CNTNAP3B: variants seen among roughly 807,000 people sequenced by gnomAD.
CNTNAP3B encodes contactin-associated protein-like 3B.
Under a neutral mutation model 108.9 loss-of-function variants are expected in CNTNAP3B, and 25 were observed. That is an observed-to-expected ratio of 0.23 (90% confidence interval 0.17 to 0.32). CNTNAP3B has a LOEUF of 0.32. CNTNAP3B is among the 10% of genes least tolerant of loss of function. The pLI, the probability that CNTNAP3B is intolerant of heterozygous loss-of-function variation, is 1.00. For synonymous variants in CNTNAP3B, 103 were observed against 473.4 expected, an observed-to-expected ratio of 0.22 and a Z score of 10.16; for missense variants, 252 against 1,210.4, an observed-to-expected ratio of 0.21 and a Z score of 11.75.
At chr9:41,960,159 C>T (rs1265507863) in intron 12 of CNTNAP3B, 2 of 158,622 alleles carry the variant, frequency 1.3e-5, no homozygotes, top group African/African-American at 4.8e-5. Flanking sequence ...GCCACCATGC[C>T]CAGCTAATTT....
chr9:42,061,317 C>T (rs1033367043), intron 3 of CNTNAP3B, among the ~76,000 whole-genome samples: 4 of 93,070 alleles, frequency 4.3e-5, no homozygotes, highest in Admixed American at 3.7e-4. Flanking sequence ...TTTTCTTTTT[C>T]TTTTTTTTTT....
rs1824750678 is a variant in CNTNAP3B, at chr9:41,953,239, C to T, written c.2024G>A (p.Arg675His). ...QLRAAVNLAERCEQRLALRCG... is the reference protein window; with the variant it reads ...QLRAAVNLAEHCEQRLALRCG... ...GCGCAGAGCCAGCCGCTGCTCGCAG[C>T]GCTCCGCCAGGTTCACCGCGGCCCG... The change falls in exon 13 of 24, where the codon CGC becomes CAC. Residue 675 changes from arginine to histidine, a missense_variant. By Grantham distance (29) the Arg-to-His change is conservative (BLOSUM62 0). Coordinates refer to ENST00000377561, the MANE Select transcript of CNTNAP3B (RefSeq NM_001201380.3). The T allele has an allele frequency of 6.5e-6, 10 of 1,527,148 alleles. No individual in the cohort carries two copies. Among genetic ancestry groups the T allele is most frequent in the South Asian group, 1.2e-5 (1 of 83,330 alleles). The allele number at this position is 1,527,148 out of a possible 1,614,324, so 94.6% of individuals were successfully genotyped here. A position where few individuals can be genotyped will look rare whatever the true frequency, so the allele number is the denominator to read the frequency against.
At chr9:41,964,980 T>G (rs1190160040) in intron 10 of CNTNAP3B, among the ~76,000 whole-genome samples, 5 of 152,252 alleles carry the variant, frequency 3.3e-5, no homozygotes, top group Non-Finnish European at 7.3e-5. Flanking sequence ...GTTACTATAT[T>G]GTGGTCATTT....
chr9:42,097,009 C>T (rs1390878015), intron 2 of CNTNAP3B, among the ~76,000 whole-genome samples: 1 of 136,132 alleles, frequency 7.3e-6, no homozygotes. Flanking sequence ...GCCTCAGCCT[C>T]CCAAAGTGCT....
At chr9:42,063,212 G>C (rs62553639) in intron 3 of CNTNAP3B, among the ~76,000 whole-genome samples, 1,823 of 129,286 alleles carry the variant, frequency 0.014, 239 homozygotes, top group South Asian at 0.057. Context: ...AGCATTTCTT[G>C]TAAGACACTT....
rs547714534 is a variant in CNTNAP3B, at chr9:41,939,549, G to A, written c.2081-1149C>T. Among the ~76,000 whole-genome samples, 106 of 152,242 alleles carry A rather than the reference G, an allele frequency of 7.0e-4. No homozygotes were observed. In the East Asian group the frequency reaches 8.0e-3, roughly 12 times the overall value. On this transcript the variant is annotated intron_variant, in intron 13 of 23. Transcript: ENST00000377561. ...GGCAATCTGGGAAAATTTAAAGAGG[G>A]ATTAGTACCAGGAATCTTTTAAAAA...
chr9:41,945,612 G>C (rs998710921), intron 13 of CNTNAP3B, among the ~76,000 whole-genome samples: 2 of 152,304 alleles, frequency 1.3e-5, no homozygotes, highest in Non-Finnish European at 2.9e-5. Context: ...ACCGGGGCCT[G>C]TCATGGGGTG....
rs538278588 is a variant in CNTNAP3B, at chr9:41,962,250, C to A, written c.1757-1358G>T. On this transcript the variant is annotated intron_variant, in intron 11 of 23. Transcript: ENST00000377561. ...TATACAATTAGAAATACAAAATAAC[C>A]TATTCAACTAGGTGTGGCAGTCTAG... 1.1e-4 allele frequency among the ~76,000 whole-genome samples: 17 copies of A among 152,322 alleles called. No individual in the cohort carries two copies. In the South Asian group the frequency reaches 3.1e-3, roughly 28 times the overall value.
chr9:42,076,667 C>G (rs978826071), intron 3 of CNTNAP3B, among the ~76,000 whole-genome samples: 2 of 117,074 alleles, frequency 1.7e-5, no homozygotes, highest in Non-Finnish European at 3.5e-5. Context: ...ATTAAGCAAA[C>G]CAAGAAAAAA....
chr9:42,039,149 TG>T (rs1227031655), intron 3 of CNTNAP3B, among the ~76,000 whole-genome samples: 1 of 151,972 alleles, frequency 6.6e-6, no homozygotes, highest in East Asian at 1.9e-4. Context: ...GATCTAAAAT[TG>T]ACACCCTAAC....
intron 10 of CNTNAP3B, among the ~76,000 whole-genome samples, chr9:41,967,189 C>A (rs1218592524): frequency 2.0e-5 from 3 of 151,900 alleles, no homozygotes; most frequent in East Asian, 1.9e-4. Context: ...TGTGTCCCCA[C>A]CCAAATCTCA....
chr9:42,060,035 G>A (rs1392431553), intron 3 of CNTNAP3B, among the ~76,000 whole-genome samples: 17 of 150,470 alleles, frequency 1.1e-4, no homozygotes, highest in Non-Finnish European at 2.2e-4. Flanking sequence ...TTGTCTAATT[G>A]TTCTGGATAG....
intron 12 of CNTNAP3B, among the ~76,000 whole-genome samples, chr9:41,958,040 G>A (rs1375871894): frequency 1.3e-5 from 2 of 152,282 alleles, no homozygotes; most frequent in Non-Finnish European, 2.9e-5. Context: ...GGGATTACAG[G>A]CGTGAGCCAC....
chr9:41,968,045 A>T (rs1825333122), intron 10 of CNTNAP3B, among the ~76,000 whole-genome samples: 1 of 152,250 alleles, frequency 6.6e-6, no homozygotes, highest in East Asian at 1.9e-4. Context: ...GGTTAAAACA[A>T]AACAGCCTAT....
At chr9:41,924,401 A>T (rs1823751580) in intron 15 of CNTNAP3B, among the ~76,000 whole-genome samples, 1 of 152,310 alleles carries the variant, frequency 6.6e-6, no homozygotes, top group East Asian at 1.9e-4. Context: ...CCTCAAAGGT[A>T]CGACCAACAG....
chr9:42,076,212 C>T lies in CNTNAP3B; in HGVS notation c.390+657G>A, dbSNP rs1220439742. Among the ~76,000 whole-genome samples the T allele has an allele frequency of 5.6e-5, 4 of 71,914 alleles. No homozygotes were observed. The East Asian group carries it at 1.7e-3, about 31-fold the overall frequency. The allele number at this position is 71,914 out of a possible 152,430, so 47.2% of individuals were successfully genotyped here. ...GGTGGATGACCTGAGGTGAGGAGTTCGAGACCAGCCTGGCCAAAATGGCGA... is the reference window on the plus strand; with the variant it reads ...GGTGGATGACCTGAGGTGAGGAGTTTGAGACCAGCCTGGCCAAAATGGCGA... On this transcript the variant is annotated intron_variant, in intron 3 of 23. Coordinates refer to ENST00000377561, the MANE Select transcript of CNTNAP3B (RefSeq NM_001201380.3).
chr9:41,972,542 C>G (rs1825439514), intron 9 of CNTNAP3B, among the ~76,000 whole-genome samples: 1 of 138,626 alleles, frequency 7.2e-6, no homozygotes, highest in African/African-American at 2.9e-5. Flanking sequence ...AACTTTAATA[C>G]TTTCTGCTTT....
At chr9:41,950,817 G>T (rs1051667121) in intron 13 of CNTNAP3B, among the ~76,000 whole-genome samples, 1 of 136,636 alleles carries the variant, frequency 7.3e-6, no homozygotes, top group Admixed American at 8.2e-5. Context: ...CTGGAGTGCA[G>T]TGGCGCCATC....
rs1368202537 is a variant in CNTNAP3B, at chr9:42,117,564, A to G, written c.85+11446T>C. 6.5e-5 allele frequency among the ~76,000 whole-genome samples: 9 copies of G among 139,486 alleles called. 1 individual carries two copies. Among genetic ancestry groups the G allele is most frequent in the South Asian group, 4.6e-4 (2 of 4,340 alleles). 91.5% of individuals were successfully genotyped at this position (139,486 alleles called of 152,430 possible). A position where few individuals can be genotyped will look rare whatever the true frequency, so the allele number is the denominator to read the frequency against. On this transcript the variant is annotated intron_variant, in intron 1 of 23. Transcript: ENST00000377561. Reference sequence around the variant, plus strand: ...AATTTATAGCACTAAATGCCCACAAAAGAAAGCAGGAAAGATCTAAAATTG... The same window carrying G: ...AATTTATAGCACTAAATGCCCACAAGAGAAAGCAGGAAAGATCTAAAATTG...
Sources: gnomAD v4.1 joint callset for allele counts (sites outside exome capture counted in the v4.1 genomes callset) on GRCh38, gnomAD v4.1.1 for gene constraint, MANE v1.5 for transcripts, NCBI Gene and HGNC (gene_info 2026-07-23, HGNC 2026-07-21) for gene names.